Variants in SLCO1A2 observed in about 807,000 individuals in gnomAD.
The protein encoded by SLCO1A2 is solute carrier organic anion transporter family member 1A2.
SLCO1A2 carries 67 observed loss-of-function variants against 69.0 expected under a neutral mutation model. That is an observed-to-expected ratio of 0.97 (90% CI 0.80 to 1.19). The LOEUF is 1.19. Ranked by LOEUF, SLCO1A2 falls within the 50% of genes most tolerant of loss-of-function variation. The pLI is 0.00. For synonymous variants in SLCO1A2, 260 were observed against 265.9 expected, an observed-to-expected ratio of 0.98 and a Z score of 0.22; for missense variants, 787 against 793.7, an observed-to-expected ratio of 0.99 and a Z score of 0.10.
At position 21,300,535 on chromosome 12, in the gene SLCO1A2, C is replaced by T. The variant is rs754967522; in HGVS notation, c.723G>A (p.Trp241Ter). 6.2e-7 allele frequency: 1 copy of T among 1,612,540 alleles called. No individual in the cohort carries two copies. Among genetic ancestry groups the T allele is most frequent in the South Asian group, 1.1e-5 (1 of 90,802 alleles). The part of the protein sequence containing the change: ...DLIITPTDTR[W>*]VGAWWFGFLI... Reference sequence around the variant, plus strand: ...GAAAGCCAAACCACCATGCACCGACCCAACGAGTGTCAGTGGGAGTTATGA... The same window carrying T: ...GAAAGCCAAACCACCATGCACCGACTCAACGAGTGTCAGTGGGAGTTATGA... Residue 241 changes from tryptophan (W) to a stop codon, truncating the protein, a stop_gained, in exon 8 of 15, where the codon TGG becomes TGA. Transcript: ENST00000683939. LOFTEE classifies it high-confidence loss of function.
At chr12:21,308,940 A>T (rs1949763231) in intron 4 of SLCO1A2, among the ~76,000 whole-genome samples, 4 of 152,226 alleles carry the variant, frequency 2.6e-5, no homozygotes, top group Admixed American at 2.6e-4. Context: ...ACAGTTACAA[A>T]CAAATAAAAA....
At chr12:21,309,322 A>C (rs1327997073) in intron 4 of SLCO1A2, among the ~76,000 whole-genome samples, 2 of 152,180 alleles carry the variant, frequency 1.3e-5, no homozygotes, top group Non-Finnish European at 2.9e-5. Flanking sequence ...TAACTTTTCC[A>C]AATGTCCAGA....
rs1411039583 is a variant in SLCO1A2, at chr12:21,301,197, T to A, written c.662A>T (p.Tyr221Phe). The A allele has an allele frequency of 6.2e-7, 1 of 1,612,226 alleles. No individual in the cohort carries two copies. The highest frequency in any genetic ancestry group is 8.5e-7 in the Non-Finnish European group (1 of 1,179,110). ...LLLASFCANV[Y>F]VDTGFVNTDD... ...TGTGTTCACAAATCCAGTGTCAACA[T>A]AAACATTTGCACAGAATGATGCCAA... Residue 221 changes from tyrosine (Y) to phenylalanine (F), a missense_variant, in exon 7 of 15, where the codon TAT becomes TTT. Tyr to Phe is a conservative substitution (Grantham distance 22). Coordinates refer to ENST00000683939, the MANE Select transcript of SLCO1A2 (RefSeq NM_001386879.1).
At chr12:21,403,609 G>C (rs1798881324) in intron 1 of SLCO1A2, 1 of 151,252 alleles carries the variant, frequency 6.6e-6, no homozygotes, top group African/African-American at 2.4e-5. Flanking sequence ...TTAAACCTTT[G>C]GTTAAGTTTC....
intron 1 of SLCO1A2, chr12:21,417,759 C>T (rs944581848): frequency 6.6e-6 from 1 of 151,990 alleles, no homozygotes; most frequent in African/African-American, 2.4e-5. Context: ...ACGAAGTTTC[C>T]TAAACTGTTT....
chr12:21,306,457 C>A (rs1011125931), intron 5 of SLCO1A2, among the ~76,000 whole-genome samples: 2 of 152,030 alleles, frequency 1.3e-5, no homozygotes, highest in Admixed American at 6.6e-5. Flanking sequence ...TCCTGAGTAG[C>A]TGGGATTACA....
At chr12:21,335,981 A>G (rs141271177), upstream of SLCO1A2, among the ~76,000 whole-genome samples, 3 of 152,266 alleles carry the variant, frequency 2.0e-5, no homozygotes, top group African/African-American at 7.2e-5. Flanking sequence ...TTCATTGGGA[A>G]AGATAAAACT....
chr12:21,308,038 G>A (rs938456400), intron 4 of SLCO1A2, among the ~76,000 whole-genome samples: 1 of 152,156 alleles, frequency 6.6e-6, no homozygotes, highest in African/African-American at 2.4e-5. Context: ...TACAGTGGCT[G>A]AATATTACTT....
At chr12:21,418,667 A>G (rs1287765601), upstream of SLCO1A2, among the ~76,000 whole-genome samples, 1 of 152,060 alleles carries the variant, frequency 6.6e-6, no homozygotes, top group Non-Finnish European at 1.5e-5. Flanking sequence ...CCGTGATTCA[A>G]TTATCTCCCA....
At chr12:21,387,927 C>T (rs374528006) in intron 1 of SLCO1A2, among the ~76,000 whole-genome samples, 18 of 152,324 alleles carry the variant, frequency 1.2e-4, no homozygotes, top group East Asian at 7.7e-4. Flanking sequence ...TGGAAGCCCA[C>T]CTCTTGCATC....
chr12:21,275,134 A>T, intron 13 of SLCO1A2: 2 of 980,470 alleles, frequency 2.0e-6, no homozygotes, highest in Non-Finnish European at 2.6e-6. Context: ...GGAACATCAC[A>T]CACCAGGGCC....
chr12:21,389,700 T>A (rs1472325998), intron 1 of SLCO1A2, among the ~76,000 whole-genome samples: 1 of 151,908 alleles, frequency 6.6e-6, no homozygotes, highest in East Asian at 1.9e-4. Context: ...CCATCTAGGA[T>A]GGATTTTAAC....
chr12:21,280,604 G>A (rs867779030), intron 12 of SLCO1A2, among the ~76,000 whole-genome samples: 2 of 150,762 alleles, frequency 1.3e-5, no homozygotes, highest in African/African-American at 4.9e-5. Flanking sequence ...TAGCTAAAGA[G>A]AGAGATAGAG....
intron 1 of SLCO1A2, among the ~76,000 whole-genome samples, chr12:21,383,225 T>C (rs1940698177): frequency 1.3e-5 from 2 of 152,222 alleles, no homozygotes. Flanking sequence ...GAAAGATTGC[T>C]GGTAGCACAT....
At chr12:21,299,303 C>T (rs1309404102) in intron 8 of SLCO1A2, among the ~76,000 whole-genome samples, 6 of 152,004 alleles carry the variant, frequency 3.9e-5, no homozygotes, top group Non-Finnish European at 8.8e-5. Flanking sequence ...CTTAGGCTAT[C>T]TTAGTTTAGT....
At chr12:21,304,613 G>A (rs374206497) in intron 5 of SLCO1A2, 40 bp from the exon 6 acceptor site, 45 of 1,535,156 alleles carry the variant, frequency 2.9e-5, no homozygotes, top group African/African-American at 2.4e-4. Flanking sequence ...GTGCTTTGAC[G>A]ATAAAGTGTC....
intron 2 of SLCO1A2, among the ~76,000 whole-genome samples, chr12:21,326,603 T>C (rs1230636043): frequency 2.0e-5 from 3 of 152,278 alleles, no homozygotes; most frequent in African/African-American, 7.2e-5. Flanking sequence ...AGGAACTTAT[T>C]GGGAACTGGA....
intron 1 of SLCO1A2, among the ~76,000 whole-genome samples, chr12:21,392,018 AG>A (rs1171910690): frequency 3.9e-5 from 6 of 152,162 alleles, no homozygotes; most frequent in African/African-American, 7.2e-5. Flanking sequence ...GAGTTAATGA[AG>A]GAAGAAATGT....
chr12:21,330,518 A>G (rs1215644477), intron 2 of SLCO1A2, among the ~76,000 whole-genome samples: 4 of 152,180 alleles, frequency 2.6e-5, no homozygotes, highest in African/African-American at 7.2e-5. Flanking sequence ...CAAAAAAAAT[A>G]AAATAAAAGT....
Sources: allele counts gnomAD v4.1 joint callset (sites outside exome capture counted in the v4.1 genomes callset), GRCh38; gene constraint gnomAD v4.1.1; transcripts MANE v1.5; gene names NCBI Gene and HGNC (gene_info 2026-07-23, HGNC 2026-07-21).